ERBB4: variants seen among roughly 807,000 people sequenced by gnomAD.
The protein encoded by ERBB4 is erb-b2 receptor tyrosine kinase 4, also known as receptor tyrosine-protein kinase erbB-4.
ERBB4 carries 42 observed loss-of-function variants against 158.0 expected under a neutral mutation model. That is an observed-to-expected ratio of 0.27 (90% CI 0.21 to 0.34). The LOEUF (loss-of-function observed/expected upper bound fraction) is 0.34, where lower values mean the gene tolerates loss of function less well. Ranked by LOEUF, ERBB4 falls within the 10% of genes least tolerant of loss-of-function variation. ERBB4 has a pLI of 1.00. For missense variants in ERBB4, 1,333 were observed against 1,624.1 expected (o/e 0.82, Z 3.08); for synonymous variants, 583 against 558.7 (o/e 1.04, Z -0.61).
At chr2:212,157,892 C>G (rs888945042) in intron 1 of ERBB4, among the ~76,000 whole-genome samples, 9 of 152,002 alleles carry the variant, frequency 5.9e-5, no homozygotes, top group Non-Finnish European at 1.3e-4. Context: ...GGGAAAGAAG[C>G]CTGCTCTTAA....
intron 1 of ERBB4, among the ~76,000 whole-genome samples, chr2:212,417,350 TCAGA>T (rs1274238315): frequency 3.9e-5 from 6 of 151,996 alleles, no homozygotes; most frequent in Non-Finnish European, 8.8e-5. Context: ...TAAATAGTGA[TCAGA>T]AAGAGAAAAA....
At chr2:212,277,451 G>C (rs1265563673) in intron 1 of ERBB4, among the ~76,000 whole-genome samples, 1 of 151,666 alleles carries the variant, frequency 6.6e-6, no homozygotes, top group Non-Finnish European at 1.5e-5. Context: ...TATTCACCGT[G>C]AGTTCCCTGG....
intron 2 of ERBB4, among the ~76,000 whole-genome samples, chr2:212,003,998 T>C (rs1356363602): frequency 6.6e-6 from 1 of 152,216 alleles, no homozygotes; most frequent in Non-Finnish European, 1.5e-5. Flanking sequence ...AGGTCTTCCA[T>C]AAGTACTTGA....
chr2:211,550,778 C>T (rs2067071972), intron 20 of ERBB4, among the ~76,000 whole-genome samples: 1 of 147,368 alleles, frequency 6.8e-6, no homozygotes, highest in South Asian at 2.1e-4. Context: ...CTTTACAAAG[C>T]AATACACTTA....
At chr2:211,642,073 C>T (rs889883785) in intron 16 of ERBB4, among the ~76,000 whole-genome samples, 1 of 151,960 alleles carries the variant, frequency 6.6e-6, no homozygotes, top group African/African-American at 2.4e-5. Context: ...CTTGATGTGA[C>T]TCTTTAGTAT....
Position 212,490,475 on chromosome 2 carries a change from A to G in ERBB4, c.82+47974T>C, listed in dbSNP as rs144910836. On this transcript the variant is annotated intron_variant, in intron 1 of 27. Coordinates refer to ENST00000342788, the MANE Select transcript of ERBB4 (RefSeq NM_005235.3). ...CAGAAAATTACATCTGAAGTTTTAC[A>G]TCTCTGTATCTGATTAGTATATTAT... is the stretch of plus-strand genomic sequence containing the variant. 2.4e-3 allele frequency among the ~76,000 whole-genome samples: 368 copies of G among 151,886 alleles called. 1 individual carries two copies. Among genetic ancestry groups the G allele is most frequent in the Non-Finnish European group, 4.3e-3 (292 of 67,762 alleles).
chr2:211,918,145 CAT>C (rs1263737027), intron 3 of ERBB4, among the ~76,000 whole-genome samples: 1 of 152,142 alleles, frequency 6.6e-6, no homozygotes, highest in Non-Finnish European at 1.5e-5. Flanking sequence ...TGATTTAGCA[CAT>C]GAGAAAGCTC....
intron 1 of ERBB4, among the ~76,000 whole-genome samples, chr2:212,283,135 A>T (rs1424914794): frequency 6.6e-6 from 1 of 152,016 alleles, no homozygotes; most frequent in Non-Finnish European, 1.5e-5. Flanking sequence ...CATGGATTTC[A>T]CGGATTAACC....
chr2:212,480,406 G>T (rs1464163853), intron 1 of ERBB4, among the ~76,000 whole-genome samples: 1 of 152,162 alleles, frequency 6.6e-6, no homozygotes, highest in African/African-American at 2.4e-5. Context: ...GATTATGGAT[G>T]CAAGGCTTTC....
At chr2:211,493,611 T>A (rs1449974210) in intron 20 of ERBB4, among the ~76,000 whole-genome samples, 1 of 151,928 alleles carries the variant, frequency 6.6e-6, no homozygotes, top group African/African-American at 2.4e-5. Context: ...CAGTTTATGG[T>A]TACATTATCT....
chr2:211,840,908 G>A (rs1476245662), intron 3 of ERBB4, among the ~76,000 whole-genome samples: 1 of 152,042 alleles, frequency 6.6e-6, no homozygotes, highest in Non-Finnish European at 1.5e-5. Context: ...TGGGACACTT[G>A]CCAAATGCTT....
intron 3 of ERBB4, among the ~76,000 whole-genome samples, chr2:211,856,569 A>C (rs1481375003): frequency 6.6e-6 from 1 of 151,554 alleles, no homozygotes; most frequent in Non-Finnish European, 1.5e-5. Context: ...TTTTATTTTC[A>C]GTAGAGACGG....
At chr2:212,214,759 C>T (rs993168498) in intron 1 of ERBB4, among the ~76,000 whole-genome samples, 2 of 151,540 alleles carry the variant, frequency 1.3e-5, no homozygotes, top group African/African-American at 4.8e-5. Context: ...TATATATAAT[C>T]CCCAACAGAA....
intron 19 of ERBB4, among the ~76,000 whole-genome samples, chr2:211,611,284 A>G (rs934625600): frequency 6.6e-6 from 1 of 152,074 alleles, no homozygotes; most frequent in Non-Finnish European, 1.5e-5. Flanking sequence ...ACCCACAAGC[A>G]GATAGAAAAT....
chr2:211,967,373 A>C (rs904705624), intron 2 of ERBB4, among the ~76,000 whole-genome samples: 2 of 152,110 alleles, frequency 1.3e-5, no homozygotes, highest in African/African-American at 4.8e-5. Context: ...AATTTCATGG[A>C]AAATGGTAAA....
At chr2:212,526,631 T>C (rs1056704585) in intron 1 of ERBB4, among the ~76,000 whole-genome samples, 2 of 151,984 alleles carry the variant, frequency 1.3e-5, no homozygotes, top group Admixed American at 1.3e-4. Flanking sequence ...TACTAATCTT[T>C]TTATTGTTTC....
At chr2:212,139,612 AAATT>A (rs1164803279) in intron 1 of ERBB4, among the ~76,000 whole-genome samples, 1 of 151,166 alleles carries the variant, frequency 6.6e-6, no homozygotes, top group Non-Finnish European at 1.5e-5. Context: ...TGTACGTTTT[AAATT>A]AATACTTGCA....
intron 20 of ERBB4, among the ~76,000 whole-genome samples, chr2:211,479,245 C>T (rs989440529): frequency 1.3e-5 from 2 of 152,108 alleles, no homozygotes; most frequent in African/African-American, 4.8e-5. Context: ...CTCTGAAAAC[C>T]ACTGCTCAAG....
At chr2:212,081,414 T>C (rs950704340) in intron 2 of ERBB4, among the ~76,000 whole-genome samples, 10 of 152,052 alleles carry the variant, frequency 6.6e-5, no homozygotes, top group African/African-American at 2.4e-4. Flanking sequence ...CAAGTAAAAC[T>C]GAAATTGCCT....
Sources: allele counts gnomAD v4.1 joint callset (sites outside exome capture counted in the v4.1 genomes callset), GRCh38; gene constraint gnomAD v4.1.1; transcripts MANE v1.5; gene names NCBI Gene and HGNC (gene_info 2026-07-23, HGNC 2026-07-21).